Variants in PDPN observed in about 807,000 individuals in gnomAD.
PDPN encodes PA2.26 antigen.
A neutral mutation model predicts 23.2 loss-of-function variants in PDPN; 12 were observed. That is an observed-to-expected ratio of 0.52 (90% CI 0.33 to 0.84). The LOEUF is 0.84. Ranked by LOEUF, PDPN falls within the 40% of genes least tolerant of loss-of-function variation. PDPN has a pLI of 0.02. For missense variants in PDPN, 199 were observed against 212.2 expected (o/e 0.94, Z 0.39); for synonymous variants, 77 against 76.7 (o/e 1.00, Z -0.02).
At chr1:13,611,847 C>A (rs72633909) in intron 3 of PDPN, among the ~76,000 whole-genome samples, 9 of 152,166 alleles carry the variant, frequency 5.9e-5, no homozygotes, top group Non-Finnish European at 1.2e-4. Flanking sequence ...CATTTAAACA[C>A]CAGAGAAAGC....
At chr1:13,611,809 C>T (rs1168476896) in intron 3 of PDPN, among the ~76,000 whole-genome samples, 2 of 152,132 alleles carry the variant, frequency 1.3e-5, no homozygotes, top group Non-Finnish European at 2.9e-5. Context: ...ACCTGAAGCT[C>T]ACTCCAAGCT....
chr1:13,605,152 C>T, intron 1 of PDPN, among the ~76,000 whole-genome samples: 1 of 151,590 alleles, frequency 6.6e-6, no homozygotes, highest in Admixed American at 6.6e-5. Context: ...TCTGGCTGGG[C>T]TGTCTAAGCA....
chr1:13,597,982 G>A (rs1024123407), intron 1 of PDPN, among the ~76,000 whole-genome samples: 3 of 151,880 alleles, frequency 2.0e-5, no homozygotes, highest in Admixed American at 2.0e-4. Context: ...CTCAAAAAAA[G>A]GATTCTACTG....
intron 1 of PDPN, chr1:13,595,828 G>T (rs1483153218): frequency 1.7e-5 from 21 of 1,270,600 alleles, no homozygotes; most frequent in Non-Finnish European, 3.1e-6. Flanking sequence ...TCATTACAGG[G>T]GAAGGCGTTT....
chr1:13,615,767 T>C (rs1235365911), intron 5 of PDPN, 138 bp from the exon 6 acceptor site: 1 of 827,916 alleles, frequency 1.2e-6, no homozygotes, highest in African/African-American at 1.7e-5. Flanking sequence ...GGAGGAGGAA[T>C]GTCAGGAACA....
intron 1 of PDPN, among the ~76,000 whole-genome samples, chr1:13,586,763 TA>T (rs34131450): frequency 0.2 from 24,833 of 125,310 alleles, 2,987 homozygotes; most frequent in East Asian, 0.64. Context: ...ACTCTGCCAT[TA>T]AAAAAAAAAA....
chr1:13,587,965 G>A (rs1436415791), intron 1 of PDPN, among the ~76,000 whole-genome samples: 1 of 152,192 alleles, frequency 6.6e-6, no homozygotes, highest in Non-Finnish European at 1.5e-5. Flanking sequence ...CTGGCTGAGT[G>A]TCTTTGCCTT....
rs758538947 is a variant in PDPN, at chr1:13,613,709, G to A, written c.354G>A (p.Gln118=). 1.3e-6 allele frequency: 2 copies of A among 1,500,664 alleles called. No individual in the cohort carries two copies. Among genetic ancestry groups the A allele is most frequent in the African/African-American group, 1.4e-5 (1 of 72,600 alleles). The allele number at this position is 1,500,664 out of a possible 1,614,324, so 93.0% of individuals were successfully genotyped here. The change falls in exon 4 of 6, where the codon CAG becomes CAA. Residue 118 remains glutamine (Q), a synonymous_variant. Coordinates refer to ENST00000621990, the MANE Select transcript of PDPN (RefSeq NM_006474.5). ...HSTEKVDGDT[Q]TTVEKDGLST... ...CAGAGAAAGTGGATGGAGACACACAGACAACAGTTGAGAAAGGTAGGCTAG... is the reference window on the plus strand; with the variant it reads ...CAGAGAAAGTGGATGGAGACACACAAACAACAGTTGAGAAAGGTAGGCTAG...
chr1:13,610,415 G>C lies in PDPN; in HGVS notation c.230G>C (p.Gly77Ala). The change falls in exon 3 of 6, where the codon GGC (glycine) becomes GCC (alanine). Residue 77 changes from glycine (G) to alanine (A), a missense_variant. Physicochemically the swap from Gly to Ala is moderately conservative, Grantham distance 60. Transcript: ENST00000621990. Reference sequence around the variant, plus strand: ...GCAACAAGTGTCAACAGTGTAACAGGCATTCGCATCGAGGATCTGCCAACT... The same window carrying C: ...GCAACAAGTGTCAACAGTGTAACAGCCATTCGCATCGAGGATCTGCCAACT... Reference protein sequence around the residue: ...LVATSVNSVTGIRIEDLPTSE... With the variant: ...LVATSVNSVTAIRIEDLPTSE... 6.2e-7 allele frequency: 1 copy of C among 1,613,782 alleles called. No homozygotes were observed. The highest frequency in any genetic ancestry group is 1.1e-5 in the South Asian group (1 of 91,066).
At chr1:13,612,689 T>C (rs1640964932) in intron 3 of PDPN, among the ~76,000 whole-genome samples, 1 of 152,134 alleles carries the variant, frequency 6.6e-6, no homozygotes, top group South Asian at 2.1e-4. Flanking sequence ...CCTGGGGCCA[T>C]CTTGTGGAGG....
chr1:13,601,263 C>G (rs549261733), intron 1 of PDPN, among the ~76,000 whole-genome samples: 2 of 152,348 alleles, frequency 1.3e-5, no homozygotes, highest in African/African-American at 4.8e-5. Flanking sequence ...TCTGGAGACT[C>G]TGCAGACAGA....
intron 1 of PDPN, among the ~76,000 whole-genome samples, chr1:13,603,165 C>T (rs1263204206): frequency 6.6e-6 from 1 of 152,048 alleles, no homozygotes; most frequent in Non-Finnish European, 1.5e-5. Context: ...GGCGGATCAC[C>T]TGAGGTCAGG....
Position 13,607,205 on chromosome 1 carries a change from A to G in PDPN, c.100A>G (p.Thr34Ala). The change falls in exon 2 of 6, where the codon ACT becomes GCT. Residue 34 changes from threonine (T) to alanine (A), a missense_variant. By Grantham distance (58) the Thr-to-Ala change is moderately conservative. Coordinates refer to ENST00000621990, the MANE Select transcript of PDPN (RefSeq NM_006474.5). ...AGGCCAGCCAGAAGATGACACTGAG[A>G]CTACAGGTTTGGAAGGCGGCGTTGC... ...STGQPEDDTE[T>A]TGLEGGVAMP... is the part of the protein sequence containing the mutation. The G allele has an allele frequency of 3.1e-6, 5 of 1,614,138 alleles. No individual in the cohort carries two copies. Among genetic ancestry groups the G allele is most frequent in the Non-Finnish European group, 4.2e-6 (5 of 1,179,988 alleles).
At chr1:13,589,937 C>T (rs904957249) in intron 1 of PDPN, among the ~76,000 whole-genome samples, 6 of 152,206 alleles carry the variant, frequency 3.9e-5, no homozygotes, top group Non-Finnish European at 8.8e-5. Flanking sequence ...CAACCATTCT[C>T]CTGCCTCAGC....
chr1:13,595,835 G>A (rs913755114), intron 1 of PDPN: 88 of 1,281,636 alleles, frequency 6.9e-5, no homozygotes, highest in Middle Eastern at 2.2e-4. Flanking sequence ...AGGGGAAGGC[G>A]TTTAACAACT....
chr1:13,615,292 C>CTTT (rs1222538756), intron 5 of PDPN, among the ~76,000 whole-genome samples: 1 of 112,176 alleles, frequency 8.9e-6, no homozygotes, highest in Non-Finnish European at 1.8e-5. Flanking sequence ...CTTTCTTTTT[C>CTTT]TTTTTCTTTT....
At chr1:13,602,282 C>T (rs1002392379) in intron 1 of PDPN, among the ~76,000 whole-genome samples, 5 of 151,802 alleles carry the variant, frequency 3.3e-5, no homozygotes, top group African/African-American at 7.3e-5. Flanking sequence ...GAGCCGAGAT[C>T]GTGCCACTGT....
intron 3 of PDPN, among the ~76,000 whole-genome samples, chr1:13,611,901 A>G (rs1027802472): frequency 2.6e-5 from 4 of 152,222 alleles, no homozygotes; most frequent in Non-Finnish European, 2.9e-5. Context: ...ATAAATGATC[A>G]TTGGAAAACA....
chr1:13,591,792 C>T (rs760559164), intron 1 of PDPN, among the ~76,000 whole-genome samples: 2 of 152,194 alleles, frequency 1.3e-5, no homozygotes, highest in Non-Finnish European at 2.9e-5. Flanking sequence ...ATTCCTGGGC[C>T]GAAGCCATCC....
Sources: allele counts gnomAD v4.1 joint callset (sites outside exome capture counted in the v4.1 genomes callset), GRCh38; gene constraint gnomAD v4.1.1; transcripts MANE v1.5; gene names NCBI Gene and HGNC (gene_info 2026-07-23, HGNC 2026-07-21).